The following SNRNP200 variants were observed in gnomAD, a reference collection of about 807,000 sequenced individuals.
SNRNP200 encodes the protein small nuclear ribonucleoprotein U5 subunit 200, also known as U5 small nuclear ribonucleoprotein 200 kDa helicase.
In SNRNP200, 66 loss-of-function variants were observed where a neutral mutation model predicts 255.2. The ratio of observed to expected loss-of-function variants is 0.26; its 90% CI spans 0.21 to 0.32. The LOEUF (loss-of-function observed/expected upper bound fraction) is 0.32. Ranked by LOEUF, SNRNP200 falls within the 10% of genes least tolerant of loss-of-function variation. The pLI is 1.00. For missense variants in SNRNP200, 1,585 were observed against 2,749.8 expected, an observed-to-expected ratio of 0.58 and a Z score of 9.47; for synonymous variants, 939 against 1,027.8, an observed-to-expected ratio of 0.91 and a Z score of 1.65.
chr2:96,294,537 C>T (rs1229543197), intron 14 of SNRNP200, among the ~76,000 whole-genome samples: 5 of 152,118 alleles, frequency 3.3e-5, no homozygotes, highest in Admixed American at 3.3e-4. Flanking sequence ...CAGCTGTAAA[C>T]AATACATAAA....
intron 1 of SNRNP200, among the ~76,000 whole-genome samples, 181 bp from the exon 2 acceptor site, chr2:96,305,049 A>G (rs973515442): frequency 1.3e-5 from 2 of 152,226 alleles, no homozygotes; most frequent in Non-Finnish European, 2.9e-5. Flanking sequence ...GTACAGCTGA[A>G]TAAGTCTTAT....
chr2:96,296,801 T>A (rs1457922619), intron 12 of SNRNP200, 110 bp from the exon 13 acceptor site: 2 of 1,548,388 alleles, frequency 1.3e-6, no homozygotes, highest in Non-Finnish European at 1.8e-6. Flanking sequence ...CTGGGCACTT[T>A]ATCCTACTAT....
At position 96,278,646 on chromosome 2, in the gene SNRNP200, C is replaced by G; in HGVS notation, c.5389G>C (p.Glu1797Gln). The stretch of plus-strand genomic sequence containing the variant: ...TCGATGCTGATGCACTTGGACTGCT[C>G]CAGGTCACTCAGGGTCTGCTCCACC... The part of the protein sequence containing the change: ...ELVEQTLSDL[E>Q]QSKCISIEDE... Residue 1797 changes from glutamate to glutamine, a missense_variant, in exon 38 of 45, where the codon GAG (glutamate) becomes CAG (glutamine). Glu to Gln is a conservative substitution (Grantham distance 29). Coordinates refer to ENST00000323853, the MANE Select transcript of SNRNP200 (RefSeq NM_014014.5). The surrounding 1 kb of genome is among the most constrained non-coding windows in gnomAD (Gnocchi z 6.9). The G allele has an allele frequency of 6.2e-7, 1 of 1,614,218 alleles. No homozygotes were observed. Among genetic ancestry groups the G allele is most frequent in the Non-Finnish European group, 8.5e-7 (1 of 1,180,052 alleles).
At chr2:96,299,212 T>C in intron 6 of SNRNP200, 117 bp downstream of exon 6, 1 of 1,029,546 alleles carries the variant, frequency 9.7e-7, no homozygotes, top group South Asian at 1.3e-5. Context: ...AAGTGTTTAT[T>C]ATAGTTCACT....
Position 96,301,818 on chromosome 2 carries a change from A to C in SNRNP200, c.382-102T>G. 3.4e-6 allele frequency: 4 copies of C among 1,163,192 alleles called. No homozygotes were observed. The South Asian group carries it at 5.0e-5, about 15-fold the overall frequency. The allele number at this position is 1,163,192 out of a possible 1,614,324, so 72.1% of individuals were successfully genotyped here. A position where few individuals can be genotyped will look rare whatever the true frequency, so the allele number is the denominator to read the frequency against. On this transcript the variant is annotated intron_variant, in intron 3 of 44. Coordinates refer to ENST00000323853, the MANE Select transcript of SNRNP200 (RefSeq NM_014014.5). ...AGGATGTGAAGAGCCACACCTCTTCAAAACCTGCCACATACTAGGCTCTGA... is the reference window on the plus strand; with the variant it reads ...AGGATGTGAAGAGCCACACCTCTTCCAAACCTGCCACATACTAGGCTCTGA...
At chr2:96,296,873 C>G in intron 12 of SNRNP200, 60 bp downstream of exon 12, 1 of 1,611,542 alleles carries the variant, frequency 6.2e-7, no homozygotes, top group Non-Finnish European at 8.5e-7. Flanking sequence ...AAAAAACAAT[C>G]TTGCAACGGA....
Position 96,296,916 on chromosome 2 carries a change from G to C in SNRNP200, c.1515+17C>G, listed in dbSNP as rs1400677448. 3 of 1,614,024 alleles carry C rather than the reference G, an allele frequency of 1.9e-6. No individual in the cohort carries two copies. Among genetic ancestry groups the C allele is most frequent in the Admixed American group, 1.7e-5 (1 of 60,000 alleles). ...CACCATATTCTACAAGAAAACAGCA[G>C]GCAGGGTGGCGCTTACAGTAGGAGC... is the stretch of plus-strand genomic sequence containing the variant. On this transcript the variant is annotated intron_variant, in intron 12 of 44. Coordinates refer to ENST00000323853, the MANE Select transcript of SNRNP200 (RefSeq NM_014014.5).
chr2:96,283,791 G>T lies in SNRNP200; in HGVS notation c.4584+22C>A. 6.2e-7 allele frequency: 1 copy of T among 1,613,766 alleles called. No individual in the cohort carries two copies. The highest frequency in any genetic ancestry group is 8.5e-7 in the Non-Finnish European group (1 of 1,179,792). ...AGGATCTATGTGACACCCCACAGAC[G>T]GATGAGGAGAGTGGGTCCTACCTGG... On this transcript the variant is annotated intron_variant, in intron 32 of 44. Transcript: ENST00000323853. The surrounding 1 kb of genome is among the most constrained non-coding windows in gnomAD (Gnocchi z 4.7).
rs2063875015 is a variant in SNRNP200, at chr2:96,290,106, C to T, written c.2743-110G>A. 1 of 1,089,398 alleles carries T rather than the reference C, an allele frequency of 9.2e-7. No homozygotes were observed. The highest frequency in any genetic ancestry group is 1.4e-6 in the Non-Finnish European group (1 of 709,224). The allele number at this position is 1,089,398 out of a possible 1,614,324, so 67.5% of individuals were successfully genotyped here. On this transcript the variant is annotated intron_variant, in intron 20 of 44. Transcript: ENST00000323853. The surrounding 1 kb of genome is among the most constrained non-coding windows in gnomAD (Gnocchi z 4.5). ...TTCCCAACTACAAGGATGCATATTA[C>T]ATCGTATTCTGAATGTTTTTAGCAT...
chr2:96,294,220 G>A (rs2063902239), intron 14 of SNRNP200, among the ~76,000 whole-genome samples: 1 of 151,010 alleles, frequency 6.6e-6, no homozygotes, highest in African/African-American at 2.4e-5. Flanking sequence ...CATCACCCAA[G>A]GCCAGGAGTT....
In SNRNP200 at chr2:96,289,955, T is replaced by C; in HGVS notation, c.2784A>G (p.Arg928=). The change falls in exon 21 of 45, where the codon CGA becomes CGG. Residue 928 remains arginine, a synonymous_variant. Coordinates refer to ENST00000323853, the MANE Select transcript of SNRNP200 (RefSeq NM_014014.5). ...NWLGYAYLYI[R]MLRSPTLYGI... ...CATAGAGGGTTGGGGATCGCAGCATTCGGATATAGAGGTAGGCATAGCCCA... is the reference window on the plus strand; with the variant it reads ...CATAGAGGGTTGGGGATCGCAGCATCCGGATATAGAGGTAGGCATAGCCCA... 1 of 1,614,064 alleles carries C rather than the reference T, an allele frequency of 6.2e-7. No homozygotes were observed. Among genetic ancestry groups the C allele is most frequent in the Non-Finnish European group, 8.5e-7 (1 of 1,180,016 alleles).
rs1178227655 is a variant in SNRNP200, at chr2:96,279,338, A to G, written c.5133+113T>C. The G allele has an allele frequency of 7.5e-6, 6 of 795,588 alleles. No homozygotes were observed. The African/African-American group carries it at 8.6e-5, about 11-fold the overall frequency. 49.3% of individuals were successfully genotyped at this position (795,588 alleles called of 1,614,324 possible). ...CTCGTCACAAAAGAATTGTGTAAAT[A>G]AGAGAGGCAGAAGTTAAGAGACTAA... On this transcript the variant is annotated intron_variant, in intron 36 of 44. Coordinates refer to ENST00000323853, the MANE Select transcript of SNRNP200 (RefSeq NM_014014.5).
chr2:96,278,093 TGAGG>T lies in SNRNP200; in HGVS notation c.5610+140_5610+143del. 1 of 1,529,676 alleles carries T rather than the reference TGAGG, an allele frequency of 6.5e-7. No individual in the cohort carries two copies. Among genetic ancestry groups the T allele is most frequent in the Non-Finnish European group, 9.0e-7 (1 of 1,106,650 alleles). 94.8% of individuals were successfully genotyped at this position (1,529,676 alleles called of 1,614,324 possible). A position where few individuals can be genotyped will look rare whatever the true frequency, so the allele number is the denominator to read the frequency against. On this transcript the variant is annotated intron_variant, in intron 39 of 44. Transcript: ENST00000323853. The surrounding 1 kb of genome is among the most constrained non-coding windows in gnomAD (Gnocchi z 6.9). ...GGTGGTAATGGGATGGAGATGGGTTTGAGGGAGGTATGGAGCGGGAGGACATATG... is the reference window on the plus strand; with the variant it reads ...GGTGGTAATGGGATGGAGATGGGTTTGAGGTATGGAGCGGGAGGACATATG...
In SNRNP200 at chr2:96,298,808, G is replaced by T. The variant is rs751554352; in HGVS notation, c.882+7C>A. On this transcript the variant is annotated splice_region_variant and intron_variant, in intron 7 of 44. Coordinates refer to ENST00000323853, the MANE Select transcript of SNRNP200 (RefSeq NM_014014.5). ...TAAATATACAACTATTGTCATCTTG[G>T]CCATACCTTCAAAATCTCCAATACT... 2 of 1,614,064 alleles carry T rather than the reference G, an allele frequency of 1.2e-6. No individual in the cohort carries two copies. The highest frequency in any genetic ancestry group is 3.3e-5 in the Admixed American group (2 of 60,016).
At position 96,290,854 on chromosome 2, in the gene SNRNP200, C is replaced by T; in HGVS notation, c.2422-39G>A. The T allele has an allele frequency of 6.2e-7, 1 of 1,613,546 alleles. No individual in the cohort carries two copies. The highest frequency in any genetic ancestry group is 1.7e-5 in the Admixed American group (1 of 60,004). On this transcript the variant is annotated intron_variant, in intron 18 of 44. Transcript: ENST00000323853. The surrounding 1 kb of genome is among the most constrained non-coding windows in gnomAD (Gnocchi z 4.5). Reference sequence around the variant, plus strand: ...ACAAGGTAATGAGGAGAACAGATGCCATCACCAGGGGTTAATATCCCTGGC... The same window carrying T: ...ACAAGGTAATGAGGAGAACAGATGCTATCACCAGGGGTTAATATCCCTGGC...
rs1460776796 is a variant in SNRNP200 at position 96,298,347 on chromosome 2, A to C, written c.1056T>G (p.Ala352=). The C allele has an allele frequency of 6.2e-7, 1 of 1,614,238 alleles. No individual in the cohort carries two copies. Residue 352 remains alanine (A), a synonymous_variant, in exon 9 of 45, where the codon GCT becomes GCG. Transcript: ENST00000323853. ...EKERIMGKME[A]DPELSKFLYQ... ...AGAGGAACTTGGATAGCTCTGGGTCAGCTTCCATCTTTCCCATAATCCTTT... is the reference window on the plus strand; with the variant it reads ...AGAGGAACTTGGATAGCTCTGGGTCCGCTTCCATCTTTCCCATAATCCTTT...
At position 96,290,886 on chromosome 2, in the gene SNRNP200, A is replaced by G. The variant is rs2063880003; in HGVS notation, c.2422-71T>C. 6.2e-7 allele frequency: 1 copy of G among 1,602,536 alleles called. No homozygotes were observed. The highest frequency in any genetic ancestry group is 8.5e-7 in the Non-Finnish European group (1 of 1,172,020). On this transcript the variant is annotated intron_variant, in intron 18 of 44. Coordinates refer to ENST00000323853, the MANE Select transcript of SNRNP200 (RefSeq NM_014014.5). The surrounding 1 kb of genome is among the most constrained non-coding windows in gnomAD (Gnocchi z 4.5). ...AGGGGTTAATATCCCTGGCTTCTCT[A>G]GGCAGTTGGCCTCAGAGCTTCTCTC...
intron 14 of SNRNP200, among the ~76,000 whole-genome samples, chr2:96,295,054 T>A (rs1357517806): frequency 6.6e-6 from 1 of 151,510 alleles, no homozygotes; most frequent in Non-Finnish European, 1.5e-5. Context: ...ACTAAAAATA[T>A]AAAAATTAGC....
intron 34 of SNRNP200, 82 bp from the exon 35 acceptor site, chr2:96,282,004 CT>C (rs1171367680): frequency 1.9e-6 from 2 of 1,052,534 alleles, no homozygotes; most frequent in Non-Finnish European, 2.9e-6. Context: ...CAGGCCGTGG[CT>C]TACCCTGTGC....
Sources: gnomAD v4.1 joint callset for allele counts (sites outside exome capture counted in the v4.1 genomes callset) on GRCh38, gnomAD v4.1.1 for gene constraint, Gnocchi (gnomAD v3.1) non-coding constraint, MANE v1.5 for transcripts, NCBI Gene and HGNC (gene_info 2026-07-23, HGNC 2026-07-21) for gene names.